LPA: variants seen among roughly 807,000 people sequenced by gnomAD.
The protein encoded by LPA is lipoprotein(a), also known as apolipoprotein(a).
LPA carries 199 observed loss-of-function variants against 197.9 expected under a neutral mutation model. The observed-to-expected ratio is 1.01, with a 90% CI of 0.90 to 1.13. The LOEUF (loss-of-function observed/expected upper bound fraction) is 1.13. LPA is among the 50% of genes most tolerant of loss of function. The pLI is 0.00. For missense variants in LPA, 1,853 were observed against 1,785.8 expected, an observed-to-expected ratio of 1.04 and a Z score of -0.68; for synonymous variants, 715 against 639.5, an observed-to-expected ratio of 1.12 and a Z score of -1.78.
chr6:160,531,985 C>T (rs1245125918), intron 38 of LPA, 95 bp from the exon 39 acceptor site: 3 of 1,406,696 alleles, frequency 2.1e-6, no homozygotes, highest in South Asian at 2.4e-5. Flanking sequence ...TACATTTTCC[C>T]AGTAATTCAA....
chr6:160,549,900 A>G (rs1463349417), intron 30 of LPA, among the ~76,000 whole-genome samples: 4 of 152,206 alleles, frequency 2.6e-5, no homozygotes, highest in South Asian at 2.1e-4. Flanking sequence ...TCCACCAGCT[A>G]TGGAGGGTTC....
chr6:160,561,041 C>G (rs1020096141), intron 28 of LPA, among the ~76,000 whole-genome samples: 1 of 152,146 alleles, frequency 6.6e-6, no homozygotes, highest in Non-Finnish European at 1.5e-5. Flanking sequence ...TCCCAAGTAG[C>G]TGGGACTACA....
intron 28 of LPA, 55 bp from the exon 29 acceptor site, chr6:160,557,626 C>A: frequency 1.4e-6 from 2 of 1,464,358 alleles, no homozygotes; most frequent in African/African-American, 2.8e-5. Context: ...TTCAGGGGCA[C>A]CCAGCGCTGT....
At chr6:160,554,175 A>G (rs1173138122) in intron 30 of LPA, among the ~76,000 whole-genome samples, 2 of 151,574 alleles carry the variant, frequency 1.3e-5, no homozygotes, top group East Asian at 3.9e-4. Flanking sequence ...CCTCATGTTC[A>G]TGTTTTCTTT....
chr6:160,584,019 A>G (rs1778848191), intron 26 of LPA, among the ~76,000 whole-genome samples: 1 of 151,974 alleles, frequency 6.6e-6, no homozygotes, highest in Non-Finnish European at 1.5e-5. Flanking sequence ...TGCCCATTTT[A>G]ATCACCACAT....
intron 30 of LPA, 31 bp from the exon 31 acceptor site, chr6:160,548,690 G>A (rs1778120628): frequency 6.2e-7 from 1 of 1,612,366 alleles, no homozygotes; most frequent in Middle Eastern, 1.7e-4. Context: ...CAAGTTACAG[G>A]AGGCGGAAGA....
At chr6:160,579,865 C>G (rs1778757309) in intron 26 of LPA, among the ~76,000 whole-genome samples, 1 of 152,174 alleles carries the variant, frequency 6.6e-6, no homozygotes, top group Non-Finnish European at 1.5e-5. Context: ...GAAACAGATA[C>G]CTGCTCTGTT....
chr6:160,548,580 A>T lies in LPA; in HGVS notation c.5053T>A (p.Trp1685Arg). The T allele has an allele frequency of 1.2e-6, 2 of 1,614,038 alleles. No homozygotes were observed. The highest frequency in any genetic ancestry group is 1.7e-6 in the Non-Finnish European group (2 of 1,179,994). ...WCFTMDPSIRWEYCNLTRCSD... is the reference protein window; with the variant it reads ...WCFTMDPSIRREYCNLTRCSD... ...CATCGCGTCAGGTTGCAGTACTCCC[A>T]CCTGATGCTGGGGTCCATGGTAAAA... Residue 1685 changes from tryptophan (W) to arginine (R), a missense_variant, in exon 31 of 39, where the codon TGG becomes AGG. By Grantham distance (101) the Trp-to-Arg change is moderately radical. This residue lies in a region of LPA where 1,737 missense variants were observed against 1,504.4 expected (regional missense o/e 1.15). Transcript: ENST00000316300.
intron 24 of LPA, 34 bp downstream of exon 24, chr6:160,589,519 G>C (rs767384369): frequency 1.9e-6 from 3 of 1,610,188 alleles, no homozygotes; most frequent in Non-Finnish European, 2.5e-6. Flanking sequence ...TAAGTGGGTG[G>C]CTGTTTCTCT....
chr6:160,610,837 T>A (rs554554813), intron 16 of LPA, among the ~76,000 whole-genome samples: 6 of 152,140 alleles, frequency 3.9e-5, no homozygotes, highest in African/African-American at 9.7e-5. Context: ...TCATTGGCCC[T>A]CTCTCAATTC....
chr6:160,609,727 A>C (rs1198627202), intron 16 of LPA, among the ~76,000 whole-genome samples: 3 of 151,770 alleles, frequency 2.0e-5, no homozygotes, highest in Admixed American at 2.0e-4. Context: ...AGGGTCGGTT[A>C]ATTTTATATT....
intron 19 of LPA, 118 bp downstream of exon 19, chr6:160,600,799 A>T: frequency 8.4e-7 from 1 of 1,192,918 alleles, no homozygotes; most frequent in Non-Finnish European, 1.2e-6. Flanking sequence ...CCCACATGGC[A>T]GACCCAGAAC....
Position 160,577,130 on chromosome 6 carries a change from A to G in LPA, c.4631+6T>C, listed in dbSNP as rs1483482676. On this transcript the variant is annotated splice_donor_region_variant and intron_variant, in intron 28 of 38. Coordinates refer to ENST00000316300, the MANE Select transcript of LPA (RefSeq NM_005577.4). ...GCTCCTCTTATGGTTTTAATCAAAT[A>G]CATACGCATTTGGGTAGTTTTCTGG... 7 of 1,613,050 alleles carry G rather than the reference A, an allele frequency of 4.3e-6. No individual in the cohort carries two copies. The highest frequency in any genetic ancestry group is 5.9e-6 in the Non-Finnish European group (7 of 1,179,554).
intron 28 of LPA, among the ~76,000 whole-genome samples, chr6:160,568,168 C>T (rs2115021672): frequency 6.6e-6 from 1 of 152,286 alleles, no homozygotes; most frequent in East Asian, 1.9e-4. Flanking sequence ...ATACCAAATC[C>T]TGGCAGAGAC....
rs750455624 is a variant in LPA at position 160,557,502 on chromosome 6, C to T, written c.4701G>A (p.Pro1567=). 7 of 1,614,026 alleles carry T rather than the reference C, an allele frequency of 4.3e-6. No individual in the cohort carries two copies. Among genetic ancestry groups the T allele is most frequent in the East Asian group, 2.2e-5 (1 of 44,872 alleles). The stretch of plus-strand genomic sequence containing the variant: ...GATTGCAGTACTCCCACCTCACACA[C>T]GGATCGGTTGTGTAACACCAGGGTT... ...GKQPWCYTTD[P]CVRWEYCNLT... Residue 1567 remains proline, a synonymous_variant, in exon 29 of 39, where the codon CCG becomes CCA. Transcript: ENST00000316300.
chr6:160,531,797 T>C lies in LPA; in HGVS notation c.6055A>G (p.Lys2019Glu), dbSNP rs1227177489. 6.2e-7 allele frequency: 1 copy of C among 1,613,984 alleles called. No individual in the cohort carries two copies. The highest frequency in any genetic ancestry group is 1.3e-5 in the African/African-American group (1 of 74,904). Residue 2019 changes from lysine (K) to glutamate (E), a missense_variant, in exon 39 of 39, where the codon AAG becomes GAG. Physicochemically the swap from Lys to Glu is moderately conservative, Grantham distance 56. Transcript: ENST00000316300. Reference sequence around the variant, plus strand: ...GAAACACGAGCATAGACACCAGGCTTATTGGGGCGTGCACAGCCAAGACCC... The same window carrying C: ...GAAACACGAGCATAGACACCAGGCTCATTGGGGCGTGCACAGCCAAGACCC... ...SWGLGCARPN[K>E]PGVYARVSRF...
intron 16 of LPA, 116 bp from the exon 17 acceptor site, chr6:160,606,774 T>A: frequency 6.8e-7 from 1 of 1,474,964 alleles, no homozygotes; most frequent in Non-Finnish European, 9.5e-7. Context: ...AATATTCCCA[T>A]AAAAGTACCA....
At chr6:160,599,467 T>A in intron 20 of LPA, 33 bp downstream of exon 20, 1 of 1,612,064 alleles carries the variant, frequency 6.2e-7, no homozygotes, top group Non-Finnish European at 8.5e-7. Context: ...CCATTGGCCC[T>A]TCCTTCGCTT....
intron 28 of LPA, among the ~76,000 whole-genome samples, chr6:160,568,818 T>A (rs1778510365): frequency 6.6e-6 from 1 of 152,158 alleles, no homozygotes; most frequent in African/African-American, 2.4e-5. Flanking sequence ...TGTGCAAAAA[T>A]CACAAGCATT....
Sources: gnomAD v4.1 joint callset for allele counts (sites outside exome capture counted in the v4.1 genomes callset) on GRCh38, gnomAD v4.1.1 for gene constraint, gnomAD v4.1.1 regional missense constraint, MANE v1.5 for transcripts, NCBI Gene and HGNC (gene_info 2026-07-23, HGNC 2026-07-21) for gene names.